ANO3: variants seen among roughly 807,000 people sequenced by gnomAD.
ANO3 encodes anoctamin 3, also known as anoctamin-3.
ANO3 carries 99 observed loss-of-function variants against 144.8 expected under a neutral mutation model. That is an observed-to-expected ratio of 0.68 (90% confidence interval 0.58 to 0.81). The LOEUF (loss-of-function observed/expected upper bound fraction) is 0.81, where lower values mean the gene tolerates loss of function less well. Ranked by LOEUF, ANO3 falls within the 30% of genes least tolerant of loss-of-function variation. The pLI is 0.00. For synonymous variants in ANO3, 414 were observed against 392.6 expected (o/e 1.05, Z -0.64); for missense variants, 905 against 1,202.2 (o/e 0.75, Z 3.66).
chr11:26,520,411 C>G (rs1862028980), intron 6 of ANO3, among the ~76,000 whole-genome samples: 1 of 152,018 alleles, frequency 6.6e-6, no homozygotes, highest in Non-Finnish European at 1.5e-5. Flanking sequence ...CAGTTACTAT[C>G]CCTTTTAATT....
chr11:26,359,580 G>C (rs1217201632), intron 1 of ANO3, among the ~76,000 whole-genome samples: 1 of 150,752 alleles, frequency 6.6e-6, no homozygotes, highest in Non-Finnish European at 1.5e-5. Context: ...CTCCTTTCTG[G>C]TAACTCTATC....
chr11:26,247,726 C>CTTTTT (rs532538445), intron 1 of ANO3, among the ~76,000 whole-genome samples: 24,185 of 103,772 alleles, frequency 0.23, 3,763 homozygotes, highest in Non-Finnish European at 0.29. Flanking sequence ...GCTCCAGTCA[C>CTTTTT]TTTTTTTTTT....
intron 1 of ANO3, among the ~76,000 whole-genome samples, chr11:26,396,181 T>C (rs528976949): frequency 2.0e-5 from 3 of 152,012 alleles, no homozygotes; most frequent in South Asian, 2.1e-4. Flanking sequence ...AACAAACATA[T>C]GAAAGAAAGC....
rs560071761 is a variant in ANO3 at position 26,523,786 on chromosome 11, T to G, written c.693-1849T>G. 1.6e-4 allele frequency among the ~76,000 whole-genome samples: 24 copies of G among 152,330 alleles called. 1 individual carries two copies. The South Asian group carries it at 2.9e-3, about 18-fold the overall frequency. Reference sequence around the variant, plus strand: ...ATTTTCTCAAAGTTTTTTAATTGTTTAAGAGAAATATTCAGACTACCATCA... The same window carrying G: ...ATTTTCTCAAAGTTTTTTAATTGTTGAAGAGAAATATTCAGACTACCATCA... On this transcript the variant is annotated intron_variant, in intron 6 of 26. Transcript: ENST00000256737.
chr11:26,523,985 T>G (rs754892071), intron 6 of ANO3, among the ~76,000 whole-genome samples: 3 of 152,214 alleles, frequency 2.0e-5, no homozygotes, highest in Non-Finnish European at 2.9e-5. Flanking sequence ...ATTTCCATAT[T>G]TGTAGCTTTT....
At chr11:26,262,293 C>T (rs1423332474) in intron 1 of ANO3, among the ~76,000 whole-genome samples, 1 of 152,114 alleles carries the variant, frequency 6.6e-6, no homozygotes, top group African/African-American at 2.4e-5. Flanking sequence ...ACCTACCATC[C>T]TGTCAATACT....
intron 3 of ANO3, among the ~76,000 whole-genome samples, chr11:26,444,905 T>C (rs1292839114): frequency 6.6e-6 from 1 of 152,182 alleles, no homozygotes; most frequent in South Asian, 2.1e-4. Flanking sequence ...AACCAGCAGG[T>C]TCATTTCATA....
At chr11:26,561,248 C>G (rs1365160662) in intron 14 of ANO3, 1 of 1,581,234 alleles carries the variant, frequency 6.3e-7, no homozygotes. Context: ...CAAAATAATA[C>G]TGTTTCACAG....
At chr11:26,512,000 T>G (rs117257643) in intron 5 of ANO3, among the ~76,000 whole-genome samples, 16,878 of 152,204 alleles carry the variant, frequency 0.11, 1,312 homozygotes, top group Admixed American at 0.16. Context: ...TAAGAAAAAT[T>G]GGAAGTTATT....
Position 26,226,336 on chromosome 11 carries a change from A to G in ANO3, c.154+37006A>G, listed in dbSNP as rs1402319441. ...CACTAAATTCTGAAAAAAAAAATAA[A>G]CTATTACATTATTTAAAAAATTTTC... On this transcript the variant is annotated intron_variant, in intron 1 of 27. Coordinates refer to the ANO3 transcript ENST00000672621. 3.3e-5 allele frequency among the ~76,000 whole-genome samples: 5 copies of G among 152,076 alleles called. No individual in the cohort carries two copies. In the South Asian group the frequency reaches 1.0e-3, roughly 31 times the overall value.
intron 8 of ANO3, among the ~76,000 whole-genome samples, chr11:26,531,653 G>A (rs972507879): frequency 3.3e-5 from 5 of 151,702 alleles, no homozygotes; most frequent in African/African-American, 1.2e-4. Context: ...ATAATAATAG[G>A]ATTACTGTTA....
At chr11:26,262,737 C>G (rs989068941) in intron 1 of ANO3, among the ~76,000 whole-genome samples, 3 of 151,820 alleles carry the variant, frequency 2.0e-5, no homozygotes, top group Admixed American at 1.3e-4. Flanking sequence ...CACACACACA[C>G]ACAGAGAGAG....
chr11:26,590,784 G>C (rs1171992816), intron 14 of ANO3, among the ~76,000 whole-genome samples: 1 of 152,226 alleles, frequency 6.6e-6, no homozygotes, highest in African/African-American at 2.4e-5. Flanking sequence ...TGGATCCGGA[G>C]GGGTGGAAGT....
intron 1 of ANO3, among the ~76,000 whole-genome samples, chr11:26,332,823 G>A (rs1289723435): frequency 6.6e-6 from 1 of 152,176 alleles, no homozygotes; most frequent in South Asian, 2.1e-4. Context: ...CACTTCCTTG[G>A]GAAAATTTAT....
intron 13 of ANO3, among the ~76,000 whole-genome samples, chr11:26,556,374 CTCAATACCCAGTATGAACCTCAGACTG>C (rs143638412): frequency 0.2 from 29,931 of 151,706 alleles, 2,994 homozygotes; most frequent in South Asian, 0.26. Context: ...CAAACATGTA[CTCAATACCCAGTATGAACCTCAGACTG>C]TATACTGATT....
intron 4 of ANO3, among the ~76,000 whole-genome samples, chr11:26,479,704 A>G (rs746016567): frequency 1.3e-5 from 2 of 152,176 alleles, no homozygotes; most frequent in African/African-American, 2.4e-5. Context: ...GCCAAACCAT[A>G]TCAGTGTCTA....
chr11:26,189,348 T>C (rs1851432561), intron 1 of ANO3: 7 of 983,054 alleles, frequency 7.1e-6, no homozygotes, highest in Admixed American at 6.2e-5. Flanking sequence ...AACCTTTAGA[T>C]TGATATGTAT....
intron 1 of ANO3, among the ~76,000 whole-genome samples, chr11:26,336,377 C>T (rs76129941): frequency 0.028 from 4,324 of 152,272 alleles, 194 homozygotes; most frequent in African/African-American, 0.098. Flanking sequence ...CATCATTATC[C>T]TAAAGGACAT....
chr11:26,289,215 T>A (rs530917382), intron 1 of ANO3, among the ~76,000 whole-genome samples: 2 of 151,974 alleles, frequency 1.3e-5, no homozygotes, highest in Non-Finnish European at 2.9e-5. Context: ...AGGAAACAGA[T>A]AAACCTTGAA....
Sources: allele counts gnomAD v4.1 joint callset (sites outside exome capture counted in the v4.1 genomes callset), GRCh38; gene constraint gnomAD v4.1.1; transcripts MANE v1.5; gene names NCBI Gene and HGNC (gene_info 2026-07-23, HGNC 2026-07-21).